Variants in TMEM132D observed in about 807,000 individuals in gnomAD.
The protein encoded by TMEM132D is mature OL transmembrane protein.
TMEM132D carries 21 observed loss-of-function variants against 62.3 expected under a neutral mutation model. The ratio of observed to expected loss-of-function variants is 0.34; its 90% CI spans 0.24 to 0.49. The LOEUF is 0.49. Ranked by LOEUF, TMEM132D falls within the 20% of genes least tolerant of loss-of-function variation. TMEM132D has a pLI of 0.99. For missense variants in TMEM132D, 1,346 were observed against 1,402.8 expected (o/e 0.96, Z 0.65); for synonymous variants, 621 against 575.6 (o/e 1.08, Z -1.13).
intron 7 of TMEM132D, among the ~76,000 whole-genome samples, chr12:129,079,795 G>A (rs1874395395): frequency 6.6e-6 from 1 of 152,174 alleles, no homozygotes; most frequent in African/African-American, 2.4e-5. Context: ...CCAGAAGAAA[G>A]TGGACAAGTG....
At chr12:129,819,227 A>G (rs61942095) in intron 1 of TMEM132D, among the ~76,000 whole-genome samples, 2 of 143,282 alleles carry the variant, frequency 1.4e-5, no homozygotes, top group African/African-American at 2.5e-5. Flanking sequence ...CCTTCTACCT[A>G]CCCCACAGTG....
intron 2 of TMEM132D, among the ~76,000 whole-genome samples, chr12:129,578,616 A>C (rs893466794): frequency 5.3e-5 from 8 of 152,024 alleles, no homozygotes; most frequent in Admixed American, 3.9e-4. Flanking sequence ...AGGCTGTTAC[A>C]TCCTACAATC....
intron 5 of TMEM132D, among the ~76,000 whole-genome samples, chr12:129,147,261 T>C (rs201471199): frequency 4.2e-5 from 6 of 142,412 alleles, no homozygotes; most frequent in South Asian, 2.3e-4. Flanking sequence ...TATATATACA[T>C]ATGTGCATAT....
intron 2 of TMEM132D, among the ~76,000 whole-genome samples, chr12:129,633,216 A>C (rs574876819): frequency 6.6e-6 from 1 of 152,214 alleles, no homozygotes; most frequent in Non-Finnish European, 1.5e-5. Flanking sequence ...TTTTTCTCCA[A>C]TGTTTCATAA....
chr12:129,218,244 G>C (rs1879262666), intron 4 of TMEM132D, among the ~76,000 whole-genome samples: 1 of 152,190 alleles, frequency 6.6e-6, no homozygotes, highest in Non-Finnish European at 1.5e-5. Context: ...ATGTTAGGTA[G>C]TGAGAATCAG....
chr12:129,096,918 A>C (rs1432531189), intron 5 of TMEM132D, among the ~76,000 whole-genome samples: 6 of 150,336 alleles, frequency 4.0e-5, no homozygotes, highest in African/African-American at 1.5e-4. Context: ...GAAATAATGC[A>C]TTCGGTGAAT....
At chr12:129,113,391 A>G (rs1245315268) in intron 5 of TMEM132D, 1 of 152,210 alleles carries the variant, frequency 6.6e-6, no homozygotes, top group Non-Finnish European at 1.5e-5. Context: ...TCAAATAGTT[A>G]GCGATTCACT....
chr12:129,860,475 A>G (rs1420566376), intron 1 of TMEM132D, among the ~76,000 whole-genome samples: 2 of 152,228 alleles, frequency 1.3e-5, no homozygotes, highest in Non-Finnish European at 2.9e-5. Flanking sequence ...GGACTGTTCT[A>G]TTGCCCCAGG....
intron 4 of TMEM132D, among the ~76,000 whole-genome samples, chr12:129,336,708 G>A (rs1869286741): frequency 6.6e-6 from 1 of 152,190 alleles, no homozygotes; most frequent in Non-Finnish European, 1.5e-5. Context: ...GAGGAACGAT[G>A]GGGTTTAGAA....
chr12:129,551,689 C>T (rs547423872), intron 2 of TMEM132D, among the ~76,000 whole-genome samples: 102 of 152,280 alleles, frequency 6.7e-4, no homozygotes, highest in Non-Finnish European at 1.1e-3. Flanking sequence ...CCTCCAAACA[C>T]AAACCTCTCT....
intron 2 of TMEM132D, among the ~76,000 whole-genome samples, chr12:129,549,675 A>G (rs1048619243): frequency 6.6e-6 from 1 of 152,174 alleles, no homozygotes; most frequent in Non-Finnish European, 1.5e-5. Context: ...GAATGGACAA[A>G]TACACTTCCC....
chr12:129,433,097 CACTT>C (rs1872704984), intron 3 of TMEM132D, among the ~76,000 whole-genome samples: 1 of 152,218 alleles, frequency 6.6e-6, no homozygotes, highest in Admixed American at 6.5e-5. Flanking sequence ...AGATTCCCAT[CACTT>C]ACACTTCATC....
At chr12:129,705,118 TG>T (rs1214805180) in intron 1 of TMEM132D, among the ~76,000 whole-genome samples, 1 of 152,210 alleles carries the variant, frequency 6.6e-6, no homozygotes, top group Non-Finnish European at 1.5e-5. Flanking sequence ...GCAATGGAAA[TG>T]ATCAGTAAGA....
At chr12:129,238,996 G>GT (rs1555240386) in intron 4 of TMEM132D, among the ~76,000 whole-genome samples, 2,283 of 132,962 alleles carry the variant, frequency 0.017, 26 homozygotes, top group Non-Finnish European at 0.02. Context: ...GTTATTTTCT[G>GT]TTTTTTTTTT....
At chr12:129,517,145 G>C (rs907580721) in intron 3 of TMEM132D, among the ~76,000 whole-genome samples, 2 of 152,144 alleles carry the variant, frequency 1.3e-5, no homozygotes, top group Non-Finnish European at 2.9e-5. Flanking sequence ...TTTGGGGTGA[G>C]GGTGAGGGTG....
chr12:129,813,611 GAT>G (rs3046846), intron 1 of TMEM132D, among the ~76,000 whole-genome samples: 5,811 of 136,646 alleles, frequency 0.043, 335 homozygotes, highest in African/African-American at 0.066. Context: ...CAGAAAATGT[GAT>G]ATATATATAT....
chr12:129,078,181 G>C (rs986705851), intron 8 of TMEM132D, among the ~76,000 whole-genome samples: 2 of 152,238 alleles, frequency 1.3e-5, no homozygotes, highest in African/African-American at 4.8e-5. Context: ...ATGCCCTCAT[G>C]GAAGCAGGAA....
intron 2 of TMEM132D, among the ~76,000 whole-genome samples, chr12:129,660,221 G>A (rs1173720135): frequency 6.6e-6 from 1 of 152,138 alleles, no homozygotes; most frequent in Non-Finnish European, 1.5e-5. Flanking sequence ...ACATGGGAAA[G>A]CAATAAACAA....
chr12:129,749,726 A>G (rs1006335197), intron 1 of TMEM132D, among the ~76,000 whole-genome samples: 7 of 152,048 alleles, frequency 4.6e-5, no homozygotes. Context: ...CGGCCTCCCA[A>G]AGTGCTGGGA....
Sources: allele counts gnomAD v4.1 joint callset (sites outside exome capture counted in the v4.1 genomes callset), GRCh38; gene constraint gnomAD v4.1.1; transcripts MANE v1.5; gene names NCBI Gene and HGNC (gene_info 2026-07-23, HGNC 2026-07-21).